C6orf118: variants seen among roughly 807,000 people sequenced by gnomAD.
C6orf118 encodes chromosome 6 open reading frame 118.
In C6orf118, 50 loss-of-function variants were observed where a neutral mutation model predicts 50.2. That is an observed-to-expected ratio of 1.00 (90% confidence interval 0.79 to 1.26). The LOEUF (loss-of-function observed/expected upper bound fraction) is 1.26. Ranked by LOEUF, C6orf118 falls within the 50% of genes most tolerant of loss-of-function variation. C6orf118 has a pLI of 0.00. For synonymous variants in C6orf118, 239 were observed against 230.9 expected (o/e 1.03, Z -0.32); for missense variants, 641 against 578.7 (o/e 1.11, Z -1.10).
At chr6:165,292,933 C>A (rs1303505263) in intron 6 of C6orf118, among the ~76,000 whole-genome samples, 1 of 152,022 alleles carries the variant, frequency 6.6e-6, no homozygotes, top group Non-Finnish European at 1.5e-5. Flanking sequence ...TCCTACCAGA[C>A]GCTGAGAAAA....
intron 7 of C6orf118, among the ~76,000 whole-genome samples, chr6:165,289,539 G>A (rs561909562): frequency 2.0e-5 from 3 of 152,104 alleles, no homozygotes; most frequent in South Asian, 2.1e-4. Flanking sequence ...AATAGTGTAC[G>A]GTGTACCCAG....
chr6:165,286,617 G>T (rs1373788335), intron 7 of C6orf118, among the ~76,000 whole-genome samples: 1 of 152,004 alleles, frequency 6.6e-6, no homozygotes, highest in Non-Finnish European at 1.5e-5. Context: ...TGCAAGACTG[G>T]TTTGACATAC....
chr6:165,306,463 TTA>T (rs1258075990), intron 1 of C6orf118, among the ~76,000 whole-genome samples: 2 of 118,318 alleles, frequency 1.7e-5, no homozygotes, highest in Non-Finnish European at 3.3e-5. Flanking sequence ...ACCCTAAAAC[TTA>T]GAGTATAATA....
intron 7 of C6orf118, among the ~76,000 whole-genome samples, chr6:165,289,001 C>T (rs1258500778): frequency 6.6e-6 from 1 of 151,208 alleles, no homozygotes; most frequent in Admixed American, 6.6e-5. Context: ...TAAAATAAGG[C>T]TAGAATCAGT....
At chr6:165,300,645 T>C (rs1286222226) in intron 2 of C6orf118, among the ~76,000 whole-genome samples, 159 bp from the exon 3 acceptor site, 1 of 152,002 alleles carries the variant, frequency 6.6e-6, no homozygotes, top group Non-Finnish European at 1.5e-5. Flanking sequence ...CTCCCACCAG[T>C]TGCTGAGCTT....
chr6:165,283,083 C>T (rs1037919523), intron 7 of C6orf118, among the ~76,000 whole-genome samples: 1 of 152,114 alleles, frequency 6.6e-6, no homozygotes, highest in African/African-American at 2.4e-5. Context: ...CAGCTGCTGT[C>T]AGCAGCTCCC....
At chr6:165,282,396 T>G (rs143722522) in intron 7 of C6orf118, among the ~76,000 whole-genome samples, 39 of 152,238 alleles carry the variant, frequency 2.6e-4, no homozygotes, top group African/African-American at 9.4e-4. Context: ...TGAAAAGTAT[T>G]AGCAATTTTA....
rs764893135 is a variant in C6orf118 at position 165,289,995 on chromosome 6, T to C, written c.1193A>G (p.Glu398Gly). ...LTEKVEKKRC[E>G]ILSKWDEIQA... Reference sequence around the variant, plus strand: ...TATCTCATCCCACTTACTGAGTATTTCACACCTCTTCTTTTCAACCTTCTC... The same window carrying C: ...TATCTCATCCCACTTACTGAGTATTCCACACCTCTTCTTTTCAACCTTCTC... Residue 398 changes from glutamate (E) to glycine (G), a missense_variant, in exon 7 of 9, where the codon GAA becomes GGA. Coordinates refer to ENST00000230301, the MANE Select transcript of C6orf118 (RefSeq NM_144980.4). The C allele has an allele frequency of 9.9e-6, 16 of 1,610,836 alleles. No individual in the cohort carries two copies. The highest frequency in any genetic ancestry group is 1.4e-5 in the Non-Finnish European group (16 of 1,178,422).
At chr6:165,302,363 C>T (rs1562337208) in intron 1 of C6orf118, 67 bp from the exon 2 acceptor site, 1 of 1,554,756 alleles carries the variant, frequency 6.4e-7, no homozygotes, top group South Asian at 1.2e-5. Context: ...AGCTGGTGCA[C>T]TGGCTGAGAG....
At chr6:165,283,287 C>T (rs138167789) in intron 7 of C6orf118, among the ~76,000 whole-genome samples, 1 of 152,186 alleles carries the variant, frequency 6.6e-6, no homozygotes, top group South Asian at 2.1e-4. Flanking sequence ...GATTGTGTTA[C>T]CCTGCCCAGG....
chr6:165,301,761 G>A lies in C6orf118; in HGVS notation c.561C>T (p.Tyr187=). Residue 187 remains tyrosine (Y), a synonymous_variant, in exon 2 of 9, where the codon TAC becomes TAT. Transcript: ENST00000230301. ...LRLPDLKVLC[Y]QEAGSRGTRD... is the part of the protein sequence containing the mutation. ...TGGTGCCTCTGGACCCGGCCTCCTG[G>A]TAGCACAGCACCTTCAAGTCGGGCA... 3.1e-6 allele frequency: 5 copies of A among 1,614,052 alleles called. No individual in the cohort carries two copies. The highest frequency in any genetic ancestry group is 4.2e-6 in the Non-Finnish European group (5 of 1,179,998).
Position 165,279,962 on chromosome 6 carries a change from T to G in C6orf118, c.*95A>C. On this transcript the variant is annotated 3_prime_UTR_variant, in exon 9 of 9. Transcript: ENST00000230301. The stretch of plus-strand genomic sequence containing the variant: ...AGAGATTAAAGCTGATGAAATGAAA[T>G]GTATCTTTATGAATGTATATGCATC... The G allele has an allele frequency of 3.2e-6, 4 of 1,234,660 alleles. No individual in the cohort carries two copies. Among genetic ancestry groups the G allele is most frequent in the Non-Finnish European group, 4.5e-6 (4 of 883,158 alleles). 76.5% of individuals were successfully genotyped at this position (1,234,660 alleles called of 1,614,324 possible).
chr6:165,301,497 C>T, intron 2 of C6orf118, 72 bp downstream of exon 2: 4 of 1,532,618 alleles, frequency 2.6e-6, no homozygotes, highest in Non-Finnish European at 2.6e-6. Flanking sequence ...GAGCTGTGCC[C>T]TGAGAGCACT....
intron 6 of C6orf118, among the ~76,000 whole-genome samples, chr6:165,291,258 G>T (rs1780095997): frequency 6.6e-6 from 1 of 152,158 alleles, no homozygotes; most frequent in Admixed American, 6.5e-5. Flanking sequence ...AAAGAAAATA[G>T]ACCTTAGTAA....
chr6:165,280,734 C>T (rs1562473849), intron 8 of C6orf118, among the ~76,000 whole-genome samples: 1 of 152,138 alleles, frequency 6.6e-6, no homozygotes, highest in Admixed American at 6.5e-5. Context: ...TTCACATTTC[C>T]CTTTCTTAAT....
chr6:165,295,550 A>G (rs9457065), intron 5 of C6orf118, among the ~76,000 whole-genome samples: 11,842 of 152,224 alleles, frequency 0.078, 1,547 homozygotes, highest in African/African-American at 0.27. Flanking sequence ...CATTTTTGCC[A>G]GCTGGACTAG....
Position 165,297,995 on chromosome 6 carries a change from G to C in C6orf118, c.1043C>G (p.Ala348Gly), listed in dbSNP as rs1319869704. Residue 348 changes from alanine to glycine, a missense_variant, in exon 5 of 9, where the codon GCC becomes GGC. Ala to Gly is a moderately conservative substitution (Grantham distance 60, BLOSUM62 0). Transcript: ENST00000230301. ...LRMLVTATKA[A>G]LEQNDRLRSE... Reference sequence around the variant, plus strand: ...GCCTCACCTATCATTCTGCTCCAGGGCTGCTTTTGTGGCTGTCACGAGCAT... The same window carrying C: ...GCCTCACCTATCATTCTGCTCCAGGCCTGCTTTTGTGGCTGTCACGAGCAT... 2 of 1,613,864 alleles carry C rather than the reference G, an allele frequency of 1.2e-6. No individual in the cohort carries two copies. The highest frequency in any genetic ancestry group is 1.3e-5 in the African/African-American group (1 of 75,034).
intron 7 of C6orf118, among the ~76,000 whole-genome samples, chr6:165,282,271 T>A (rs1486882169): frequency 6.6e-6 from 1 of 152,198 alleles, no homozygotes; most frequent in Non-Finnish European, 1.5e-5. Context: ...AAAGTATTAT[T>A]ATTAGAACTT....
At chr6:165,294,268 CA>C (rs941251293) in intron 5 of C6orf118, among the ~76,000 whole-genome samples, 13 of 112,550 alleles carry the variant, frequency 1.2e-4, no homozygotes, top group African/African-American at 1.7e-4. Flanking sequence ...AAAAAAAAAA[CA>C]AAAAAAAAAA....
Sources: allele counts gnomAD v4.1 joint callset (sites outside exome capture counted in the v4.1 genomes callset), GRCh38; gene constraint gnomAD v4.1.1; transcripts MANE v1.5; gene names NCBI Gene and HGNC (gene_info 2026-07-23, HGNC 2026-07-21).